Variants in KCNMA1 observed in about 807,000 individuals in gnomAD.
KCNMA1 encodes Calcium-activated potassium channel subunit alpha-1.
Under a neutral mutation model 140.0 loss-of-function variants are expected in KCNMA1, and 29 were observed. The ratio of observed to expected loss-of-function variants is 0.21; its 90% confidence interval spans 0.15 to 0.28. The LOEUF is 0.28. Among genes scored for constraint, KCNMA1 ranks in the 10% least tolerant of loss-of-function variants. The pLI, the probability that KCNMA1 is intolerant of heterozygous loss-of-function variation, is 1.00. For missense variants in KCNMA1, 880 were observed against 1,602.2 expected, an observed-to-expected ratio of 0.55 and a Z score of 7.70; for synonymous variants, 612 against 611.9, an observed-to-expected ratio of 1.00 and a Z score of 0.00.
At chr10:77,213,041 A>C (rs1354181090) in intron 3 of KCNMA1, among the ~76,000 whole-genome samples, 1 of 152,082 alleles carries the variant, frequency 6.6e-6, no homozygotes, top group Non-Finnish European at 1.5e-5. Context: ...TTTGTAGTTG[A>C]CTATCGTTTA....
At chr10:77,012,364 G>C in intron 17 of KCNMA1, 1 of 1,497,798 alleles carries the variant, frequency 6.7e-7, no homozygotes, top group African/African-American at 1.4e-5. Flanking sequence ...GATGCTACTC[G>C]TGGGGACATG....
chr10:77,319,036 T>C (rs1363377988), intron 2 of KCNMA1, among the ~76,000 whole-genome samples: 1 of 151,940 alleles, frequency 6.6e-6, no homozygotes, highest in African/African-American at 2.4e-5. Context: ...GAGGCCAGAG[T>C]AGTTTTGGGC....
chr10:77,572,139 G>A (rs1035003615), intron 1 of KCNMA1, among the ~76,000 whole-genome samples: 2 of 152,104 alleles, frequency 1.3e-5, no homozygotes, highest in African/African-American at 4.8e-5. Context: ...CTCTGTCTCC[G>A]TATCTTTCTG....
At chr10:77,127,019 C>T (rs78282595) in intron 5 of KCNMA1, among the ~76,000 whole-genome samples, 5 of 151,288 alleles carry the variant, frequency 3.3e-5, no homozygotes, top group East Asian at 1.9e-4. Flanking sequence ...AGTGTACACA[C>T]GCCACAGAAA....
chr10:76,935,282 T>G (rs1046841047), intron 23 of KCNMA1, among the ~76,000 whole-genome samples: 1 of 152,236 alleles, frequency 6.6e-6, no homozygotes, highest in African/African-American at 2.4e-5. Context: ...TGGCACACCT[T>G]GAGCACTTTC....
intron 13 of KCNMA1, among the ~76,000 whole-genome samples, chr10:77,074,713 A>G (rs925431661): frequency 6.6e-6 from 1 of 152,214 alleles, no homozygotes; most frequent in Non-Finnish European, 1.5e-5. Context: ...AGGTTACCTT[A>G]AAAAATGAAA....
chr10:77,050,587 G>T lies in KCNMA1; in HGVS notation c.1750-10950C>A, dbSNP rs577267437. ...TGATATGCACGTATGTCACCCAAGTGTCTTGGCAAAATCCAGTTTCTCATG... is the reference window on the plus strand; with the variant it reads ...TGATATGCACGTATGTCACCCAAGTTTCTTGGCAAAATCCAGTTTCTCATG... On this transcript the variant is annotated intron_variant, in intron 14 of 27. Transcript: ENST00000286628. Among the ~76,000 whole-genome samples, 131 of 152,290 alleles carry T rather than the reference G, an allele frequency of 8.6e-4. 1 individual carries two copies. The East Asian group carries it at 0.022, about 26-fold the overall frequency.
At chr10:76,915,170 C>T in intron 23 of KCNMA1, 121 bp from the exon 24 acceptor site, 2 of 702,748 alleles carry the variant, frequency 2.8e-6, no homozygotes, top group Non-Finnish European at 5.2e-6. Flanking sequence ...CACAGGTCAA[C>T]AATTAGTATT....
intron 5 of KCNMA1, among the ~76,000 whole-genome samples, chr10:77,165,532 C>G (rs770046726): frequency 2.1e-4 from 32 of 152,162 alleles, no homozygotes; most frequent in Non-Finnish European, 3.2e-4. Context: ...GGAAAATATT[C>G]TACGGAGATA....
chr10:76,879,896 C>T (rs1235394745), downstream of KCNMA1, among the ~76,000 whole-genome samples: 7 of 152,176 alleles, frequency 4.6e-5, no homozygotes. Flanking sequence ...GAAACAATTT[C>T]ACACTACGAC....
At chr10:77,461,071 ACTCCAGC>A (rs1160010776) in intron 1 of KCNMA1, among the ~76,000 whole-genome samples, 1 of 151,848 alleles carries the variant, frequency 6.6e-6, no homozygotes, top group Non-Finnish European at 1.5e-5. Flanking sequence ...ACACCATTGC[ACTCCAGC>A]CTGGGTAACA....
At chr10:77,506,220 A>G (rs2154546592) in intron 1 of KCNMA1, among the ~76,000 whole-genome samples, 1 of 152,258 alleles carries the variant, frequency 6.6e-6, no homozygotes, top group Admixed American at 6.5e-5. Flanking sequence ...TGAAACCACC[A>G]ACAGTGAGAC....
At chr10:77,419,370 C>A (rs923351089) in intron 1 of KCNMA1, among the ~76,000 whole-genome samples, 4 of 152,110 alleles carry the variant, frequency 2.6e-5, no homozygotes, top group African/African-American at 9.7e-5. Flanking sequence ...GGATGGAGAC[C>A]TTTTTTGGAG....
At chr10:77,177,504 C>CTT (rs1565009746) in intron 5 of KCNMA1, among the ~76,000 whole-genome samples, 3 of 145,108 alleles carry the variant, frequency 2.1e-5, no homozygotes, top group Non-Finnish European at 4.5e-5. Context: ...CTTTTCTTTT[C>CTT]TTTTCTTTTT....
intron 2 of KCNMA1, among the ~76,000 whole-genome samples, chr10:77,275,877 C>A (rs1158309906): frequency 1.3e-5 from 2 of 152,054 alleles, no homozygotes; most frequent in African/African-American, 4.8e-5. Flanking sequence ...GAGGTTATGC[C>A]CGCTGCTTTC....
intron 1 of KCNMA1, among the ~76,000 whole-genome samples, chr10:77,410,065 G>A (rs1603487541): frequency 6.6e-6 from 1 of 152,262 alleles, no homozygotes; most frequent in South Asian, 2.1e-4. Context: ...CTGCTCTGGA[G>A]AAAGAAGTCC....
At chr10:77,431,685 A>AT in intron 1 of KCNMA1, among the ~76,000 whole-genome samples, 1 of 61,774 alleles carries the variant, frequency 1.6e-5, no homozygotes, top group Non-Finnish European at 3.2e-5. Context: ...CTGTTGTAAA[A>AT]AAAAAAAAAA....
intron 1 of KCNMA1, among the ~76,000 whole-genome samples, chr10:77,424,371 T>G (rs1302474054): frequency 6.6e-6 from 1 of 152,128 alleles, no homozygotes; most frequent in Non-Finnish European, 1.5e-5. Flanking sequence ...ATATGGCAAA[T>G]GAAGGCTCAG....
At chr10:76,950,236 T>C (rs986870104) in intron 21 of KCNMA1, among the ~76,000 whole-genome samples, 4 of 152,182 alleles carry the variant, frequency 2.6e-5, no homozygotes, top group African/African-American at 9.7e-5. Context: ...CCCTGTCCAA[T>C]GCTGCCTTGG....
Sources: gnomAD v4.1 joint callset for allele counts (sites outside exome capture counted in the v4.1 genomes callset) on GRCh38, gnomAD v4.1.1 for gene constraint, MANE v1.5 for transcripts, NCBI Gene and HGNC (gene_info 2026-07-23, HGNC 2026-07-21) for gene names.